TBCD: variants seen among roughly 807,000 people sequenced by gnomAD.
TBCD encodes the protein tubulin-specific chaperone D.
In TBCD, 105 loss-of-function variants were observed where a neutral mutation model predicts 169.3. The observed-to-expected ratio is 0.62, with a 90% CI of 0.53 to 0.73. The LOEUF (loss-of-function observed/expected upper bound fraction) is 0.73, where lower values mean the gene tolerates loss of function less well. Among genes scored for constraint, TBCD ranks in the 30% least tolerant of loss-of-function variants. The pLI is 0.00. For missense variants in TBCD, 1,444 were observed against 1,600.1 expected, an observed-to-expected ratio of 0.90 and a Z score of 1.66; for synonymous variants, 700 against 643.9, an observed-to-expected ratio of 1.09 and a Z score of -1.32.
Position 82,831,056 on chromosome 17 carries a change from C to T in TBCD, c.1318+16122C>T. The T allele has an allele frequency of 6.2e-7, 1 of 1,614,150 alleles. No individual in the cohort carries two copies. Among genetic ancestry groups the T allele is most frequent in the South Asian group, 1.1e-5 (1 of 91,088 alleles). ...TCTGCTGTGGTCTCAGCAGCCTGGG[C>T]AGGTAGGCATTCTGTGCTTTTCTTA... On this transcript the variant is annotated intron_variant, in intron 13 of 38. Transcript: ENST00000355528. The surrounding 1 kb of genome is among the most constrained non-coding windows in gnomAD (Gnocchi z 4.6).
rs753642559 is a variant in TBCD, at chr17:82,830,200, G to C, written c.1318+15266G>C. On this transcript the variant is annotated intron_variant, in intron 13 of 38. Coordinates refer to ENST00000355528, the MANE Select transcript of TBCD (RefSeq NM_005993.5). ...CACTCTGGCCGTGTCCTGCAGCTTC[G>C]CCTTCTTAGCTCCTTGCTGGGATTT... The C allele has an allele frequency of 1.9e-6, 3 of 1,614,182 alleles. No individual in the cohort carries two copies. The South Asian group carries it at 3.3e-5, about 18-fold the overall frequency.
intron 33 of TBCD, among the ~76,000 whole-genome samples, chr17:82,931,703 C>T (rs1318599291): frequency 2.6e-5 from 4 of 152,204 alleles, no homozygotes; most frequent in East Asian, 1.9e-4. Context: ...CTGTGGGCTG[C>T]GGAGCCCAGC....
chr17:82,871,658 C>T (rs1328627974), intron 14 of TBCD, among the ~76,000 whole-genome samples: 1 of 152,150 alleles, frequency 6.6e-6, no homozygotes. Context: ...TTGGTCTGGG[C>T]GGGGCGGGGC....
Position 82,817,534 on chromosome 17 carries a change from C to T in TBCD, c.1318+2600C>T, listed in dbSNP as rs145488957. Among the ~76,000 whole-genome samples, 358 of 152,172 alleles carry T rather than the reference C, an allele frequency of 2.4e-3. 2 individuals carry two copies. Among genetic ancestry groups the T allele is most frequent in the African/African-American group, 7.6e-3 (316 of 41,536 alleles). On this transcript the variant is annotated intron_variant, in intron 13 of 38. Transcript: ENST00000355528. ...CTGGTCTCGAACTCCTGAGCTCAAG[C>T]GATCCCCCCGCTTCAGCCTCCCAAA...
intron 9 of TBCD, 54 bp downstream of exon 9, chr17:82,801,050 C>T: frequency 7.8e-7 from 1 of 1,287,894 alleles, no homozygotes; most frequent in Non-Finnish European, 1.0e-6. Context: ...GGAGGGGTTG[C>T]TGTGGGGGGC....
chr17:82,873,132 G>A (rs2057728784), intron 14 of TBCD, among the ~76,000 whole-genome samples: 2 of 152,264 alleles, frequency 1.3e-5, no homozygotes, highest in Admixed American at 1.3e-4. Context: ...ACGTGTGACG[G>A]CTGCAGCTGC....
intron 14 of TBCD, among the ~76,000 whole-genome samples, chr17:82,881,141 A>G (rs183675515): frequency 1.3e-5 from 2 of 152,092 alleles, no homozygotes; most frequent in African/African-American, 4.8e-5. Flanking sequence ...TGGACACTGC[A>G]ACCACCTGGG....
intron 13 of TBCD, among the ~76,000 whole-genome samples, chr17:82,817,139 TATTG>T (rs1358237030): frequency 6.6e-6 from 1 of 152,028 alleles, no homozygotes; most frequent in African/African-American, 2.4e-5. Flanking sequence ...TTTCACTTTC[TATTG>T]ATTGATTGAC....
intron 13 of TBCD, chr17:82,840,116 G>A (rs142011566): frequency 2.6e-5 from 4 of 152,216 alleles, no homozygotes; most frequent in African/African-American, 9.6e-5. Context: ...CCGCAGCTAC[G>A]ATTCATGTGT....
intron 1 of TBCD, 118 bp downstream of exon 1, chr17:82,752,495 G>T: frequency 1.2e-6 from 1 of 842,176 alleles, no homozygotes; most frequent in Non-Finnish European, 1.5e-6. Flanking sequence ...GAGGGCTGCC[G>T]GTGCGCGGTC....
chr17:82,771,626 C>T (rs1269549214), intron 5 of TBCD, among the ~76,000 whole-genome samples: 1 of 152,134 alleles, frequency 6.6e-6, no homozygotes, highest in Non-Finnish European at 1.5e-5. Flanking sequence ...ACCATATTGA[C>T]CAGGCTGGTC....
chr17:82,758,400 A>AAAAAAAAAAAAAAAATAAAT (rs1035939621), intron 2 of TBCD, among the ~76,000 whole-genome samples: 2 of 100,032 alleles, frequency 2.0e-5, no homozygotes, highest in Admixed American at 1.4e-4. Context: ...AAAAAAAAAA[A>AAAAAAAAAAAAAAAATAAAT]AAATAAATAA....
At position 82,937,349 on chromosome 17, in the gene TBCD, A is replaced by G. The variant is rs375385103; in HGVS notation, c.3270A>G (p.Ser1090=). ...CAAAAGATATCCAGAAGCTCCTGTC[A>G]GGCATCGCAGTGTGAGTTTCAAGTG... ...KNSKDIQKLL[S]GIAVFCEMVQ... is the part of the protein sequence containing the mutation. Residue 1090 remains serine, a synonymous_variant, in exon 35 of 39, where the codon TCA becomes TCG. Coordinates refer to ENST00000355528, the MANE Select transcript of TBCD (RefSeq NM_005993.5). 21 of 1,613,898 alleles carry G rather than the reference A, an allele frequency of 1.3e-5. No homozygotes were observed. Among genetic ancestry groups the G allele is most frequent in the Non-Finnish European group, 1.8e-5 (21 of 1,179,904 alleles).
At chr17:82,824,317 G>T (rs2052657478) in intron 13 of TBCD, among the ~76,000 whole-genome samples, 1 of 151,632 alleles carries the variant, frequency 6.6e-6, no homozygotes, top group African/African-American at 2.4e-5. Flanking sequence ...GAGTAGCTGG[G>T]ACTACAGGCG....
chr17:82,929,435 C>T lies in TBCD; in HGVS notation c.2926C>T (p.Pro976Ser). 6.2e-7 allele frequency: 1 copy of T among 1,612,244 alleles called. No homozygotes were observed. ...ACGCATCACCCAGCTCCTTGGGCTG[C>T]CCACCTACCGCTACCACGTCCTGCT... ...FPRITQLLGL[P>S]TYRYHVLLGL... Residue 976 changes from proline to serine, a missense_variant, in exon 32 of 39, where the codon CCC (proline) becomes TCC (serine). Physicochemically the swap from Pro to Ser is moderately conservative, Grantham distance 74. Coordinates refer to ENST00000355528, the MANE Select transcript of TBCD (RefSeq NM_005993.5).
intron 9 of TBCD, among the ~76,000 whole-genome samples, chr17:82,805,245 T>A (rs1040050043): frequency 1.2e-4 from 19 of 152,180 alleles, no homozygotes; most frequent in African/African-American, 4.6e-4. Flanking sequence ...ATGGAGCGGC[T>A]CAGGAGCTGT....
At chr17:82,830,089 T>C in intron 13 of TBCD, 1 of 1,610,110 alleles carries the variant, frequency 6.2e-7, no homozygotes, top group Non-Finnish European at 8.5e-7. Context: ...GCTTGCCACC[T>C]TGGAAGGCGT....
intron 6 of TBCD, among the ~76,000 whole-genome samples, chr17:82,774,528 A>G (rs1177291857): frequency 6.6e-6 from 1 of 152,172 alleles, no homozygotes; most frequent in Non-Finnish European, 1.5e-5. Flanking sequence ...CAAAACCGCC[A>G]TCGTCATCAT....
intron 6 of TBCD, among the ~76,000 whole-genome samples, chr17:82,780,457 TCAG>T (rs2048872105): frequency 6.6e-6 from 1 of 151,808 alleles, no homozygotes; most frequent in Admixed American, 6.6e-5. Context: ...GGTGGAGAAA[TCAG>T]GAGGATCTGG....
Sources: allele counts gnomAD v4.1 joint callset (sites outside exome capture counted in the v4.1 genomes callset), GRCh38; gene constraint gnomAD v4.1.1; non-coding constraint Gnocchi (gnomAD v3.1); transcripts MANE v1.5; gene names NCBI Gene and HGNC (gene_info 2026-07-23, HGNC 2026-07-21).